Variants in ANKRD36C observed in about 807,000 individuals in gnomAD.
ANKRD36C encodes ankyrin repeat domain-containing protein 36C.
In ANKRD36C, 61 loss-of-function variants were observed where a neutral mutation model predicts 276.4. The ratio of observed to expected loss-of-function variants is 0.22; its 90% CI spans 0.18 to 0.27. The LOEUF (loss-of-function observed/expected upper bound fraction) is 0.27. ANKRD36C is among the 10% of genes least tolerant of loss of function. The pLI, the probability that ANKRD36C is intolerant of heterozygous loss-of-function variation, is 1.00. For missense variants in ANKRD36C, 1,447 were observed against 2,032.3 expected, an observed-to-expected ratio of 0.71 and a Z score of 5.54; for synonymous variants, 483 against 680.1, an observed-to-expected ratio of 0.71 and a Z score of 4.51.
chr2:95,953,315 G>C (rs1412218509), intron 14 of ANKRD36C, among the ~76,000 whole-genome samples: 1 of 151,992 alleles, frequency 6.6e-6, no homozygotes, highest in African/African-American at 2.4e-5. Flanking sequence ...AAATTCTCCT[G>C]ACTTGATCTC....
intron 52 of ANKRD36C, 21 bp from the exon 73 acceptor site, chr2:95,884,389 A>G: frequency 6.2e-7 from 1 of 1,610,790 alleles, no homozygotes; most frequent in Non-Finnish European, 8.5e-7. Flanking sequence ...AAAGGGATAC[A>G]TAATCACCCA....
At chr2:95,851,521 G>A (rs1010805118) in intron 66 of ANKRD36C, among the ~76,000 whole-genome samples, 173 bp downstream of exon 86, 1 of 152,146 alleles carries the variant, frequency 6.6e-6, no homozygotes, top group Admixed American at 6.5e-5. Flanking sequence ...TGAATTTCAT[G>A]TTTAGACTCA....
intron 12 of ANKRD36C, among the ~76,000 whole-genome samples, chr2:95,957,203 A>G (rs1678347753): frequency 6.6e-6 from 1 of 152,308 alleles, no homozygotes; most frequent in Non-Finnish European, 1.5e-5. Flanking sequence ...AAACTCAGCT[A>G]CTCAGGAGAC....
At chr2:95,880,442 G>C in exon 58 of ANKRD36C, 1 of 1,555,208 alleles carries the variant, frequency 6.4e-7, no homozygotes, top group Non-Finnish European at 8.7e-7. Context: ...GTGGATGTTT[G>C]TACATCTTTC....
rs767025236 is a variant in ANKRD36C, at chr2:95,923,577, A to T, written c.2071-10T>A. ...TCTTGTCACTTGTAGCCTGAAAGTA[A>T]TTTGAAGCAAATTATCAATAAAGAA... On this transcript the variant is annotated splice_polypyrimidine_tract_variant and intron_variant, in intron 31 of 66. Transcript: ENST00000456556. 56 of 1,609,626 alleles carry T rather than the reference A, an allele frequency of 3.5e-5. No homozygotes were observed. Among genetic ancestry groups the T allele is most frequent in the Non-Finnish European group, 4.4e-5 (52 of 1,177,450 alleles).
intron 59 of ANKRD36C, among the ~76,000 whole-genome samples, chr2:95,870,495 C>T (rs1675781855): frequency 6.6e-6 from 1 of 152,148 alleles, no homozygotes; most frequent in Admixed American, 6.5e-5. Context: ...AAAGGACATC[C>T]ACATCAAAAA....
At chr2:95,916,349 A>G (rs1677096617) in intron 36 of ANKRD36C, among the ~76,000 whole-genome samples, 178 bp from the exon 39 acceptor site, 2 of 151,584 alleles carry the variant, frequency 1.3e-5, no homozygotes, top group African/African-American at 4.8e-5. Flanking sequence ...AAAAGGGAAC[A>G]CAGGCTCCAT....
intron 26 of ANKRD36C, 114 bp downstream of exon 26, chr2:95,928,958 G>T: frequency 6.7e-7 from 1 of 1,500,570 alleles, no homozygotes; most frequent in South Asian, 1.2e-5. Context: ...AGAATCTCAG[G>T]CATACTGAAT....
chr2:95,976,525 A>C (rs1678812887), intron 6 of ANKRD36C, among the ~76,000 whole-genome samples: 3 of 152,212 alleles, frequency 2.0e-5, no homozygotes, highest in Non-Finnish European at 4.4e-5. Flanking sequence ...CACAAGGAGC[A>C]GATAAGAAGA....
At chr2:95,891,853 A>G (rs1676372835) in exon 45 of ANKRD36C, 6 of 1,562,184 alleles carry the variant, frequency 3.8e-6, no homozygotes, top group Non-Finnish European at 4.3e-6. Context: ...ATGGTTTCTC[A>G]GAAGACACTG....
intron 59 of ANKRD36C, among the ~76,000 whole-genome samples, chr2:95,871,698 T>G (rs1573730065): frequency 2.0e-5 from 3 of 152,020 alleles, no homozygotes; most frequent in Non-Finnish European, 2.9e-5. Context: ...GACTAAATGC[T>G]CCAATCAAAA....
chr2:95,926,545 A>G (rs1369216772), intron 28 of ANKRD36C, among the ~76,000 whole-genome samples: 1 of 151,638 alleles, frequency 6.6e-6, no homozygotes, highest in Non-Finnish European at 1.5e-5. Flanking sequence ...AACAAAATGT[A>G]TATCTCTGAT....
At chr2:95,911,534 T>C (rs1029645124) in intron 42 of ANKRD36C, among the ~76,000 whole-genome samples, 1 of 151,484 alleles carries the variant, frequency 6.6e-6, no homozygotes, top group African/African-American at 2.4e-5. Flanking sequence ...GTTTATCTCA[T>C]TTCTATAACT....
At chr2:95,974,078 T>C (rs1678755869) in intron 6 of ANKRD36C, among the ~76,000 whole-genome samples, 1 of 151,260 alleles carries the variant, frequency 6.6e-6, no homozygotes. Flanking sequence ...AAGAAACTTA[T>C]ATATAGATGG....
chr2:95,882,560 C>G (rs1676110177), intron 54 of ANKRD36C, 63 bp from the exon 75 acceptor site: 1 of 1,543,082 alleles, frequency 6.5e-7, no homozygotes, highest in South Asian at 1.2e-5. Context: ...TCCATACATT[C>G]ATGCAGTGTT....
chr2:95,946,855 C>A (rs1263193441), intron 17 of ANKRD36C, among the ~76,000 whole-genome samples: 4 of 144,144 alleles, frequency 2.8e-5, no homozygotes, highest in Non-Finnish European at 6.0e-5. Flanking sequence ...GGGAATTGAA[C>A]AATGAGATCA....
upstream of ANKRD36C, chr2:95,991,796 A>G (rs1679150747): frequency 2.3e-6 from 3 of 1,313,440 alleles, no homozygotes; most frequent in Admixed American, 6.2e-5. Context: ...CAGGCAAAGC[A>G]GTCTGTCCAC....
intron 38 of ANKRD36C, among the ~76,000 whole-genome samples, chr2:95,915,356 A>T (rs1677061148): frequency 6.6e-6 from 1 of 151,542 alleles, no homozygotes; most frequent in African/African-American, 2.4e-5. Flanking sequence ...TTTTATGCCA[A>T]TTCAAGCACT....
At chr2:95,853,502 A>C (rs1675337840) in intron 64 of ANKRD36C, 2 of 375,338 alleles carry the variant, frequency 5.3e-6, no homozygotes, top group Admixed American at 4.3e-5. Flanking sequence ...CCAGAGATTA[A>C]GATATAGGTG....
Sources: allele counts gnomAD v4.1 joint callset (sites outside exome capture counted in the v4.1 genomes callset), GRCh38; gene constraint gnomAD v4.1.1; transcripts MANE v1.5; gene names NCBI Gene and HGNC (gene_info 2026-07-23, HGNC 2026-07-21).